CXCL16: variants seen among roughly 807,000 people sequenced by gnomAD.
The protein encoded by CXCL16 is C-X-C motif chemokine 16.
CXCL16 carries 18 observed loss-of-function variants against 23.8 expected under a neutral mutation model. That is an observed-to-expected ratio of 0.76 (90% confidence interval 0.52 to 1.12). The LOEUF (loss-of-function observed/expected upper bound fraction) is 1.12, where lower values mean the gene tolerates loss of function less well. Ranked by LOEUF, CXCL16 falls within the 50% of genes most tolerant of loss-of-function variation. The probability of loss-of-function intolerance (pLI) is 0.00; values close to 1 mark genes in which losing one functional copy is unlikely to be tolerated. For missense variants in CXCL16, 297 were observed against 315.4 expected, an observed-to-expected ratio of 0.94 and a Z score of 0.44; for synonymous variants, 123 against 132.5, an observed-to-expected ratio of 0.93 and a Z score of 0.49.
chr17:4,739,115 T>C lies in CXCL16; in HGVS notation c.79+146A>G. The C allele has an allele frequency of 8.0e-7, 1 of 1,246,278 alleles. No homozygotes were observed. The highest frequency in any genetic ancestry group is 1.5e-5 in the South Asian group (1 of 67,374). The allele number at this position is 1,246,278 out of a possible 1,614,324, so 77.2% of individuals were successfully genotyped here. On this transcript the variant is annotated intron_variant, in intron 1 of 5. Transcript: ENST00000293778. The surrounding 1 kb of genome is among the most constrained non-coding windows in gnomAD (Gnocchi z 5.3). ...CCGGAGCCAGGCGTCCCCGGGCCTC[T>C]GTCCCCAACCCCAGGCGGCTGGCTG...
rs1916072574 is a variant in CXCL16, at chr17:4,733,904, T to A, written c.*599A>T. On this transcript the variant is annotated 3_prime_UTR_variant, in exon 6 of 6. Transcript: ENST00000293778. ...GACTCAATCATTACAAAAATAATTT[T>A]TAGTAGTTAAAAAACACACATAGGG... The A allele has an allele frequency of 6.6e-6, 1 of 152,450 alleles. No homozygotes were observed. The highest frequency in any genetic ancestry group is 1.5e-5 in the Non-Finnish European group (1 of 68,168). 9.4% of individuals were successfully genotyped at this position (152,450 alleles called of 1,614,324 possible). A position where few individuals can be genotyped will look rare whatever the true frequency, so the allele number is the denominator to read the frequency against.
Position 4,739,149 on chromosome 17 carries a change from C to G in CXCL16, c.79+112G>C. On this transcript the variant is annotated intron_variant, in intron 1 of 5. Transcript: ENST00000293778. This position sits in a 1 kb window ranked among gnomAD's most constrained non-coding sequence, Gnocchi z 5.3. ...CCCCAGGCGGCTGGCTGGCTTTCCT[C>G]TTGTCCCCGCTGCCTTCATCCACTC... 7.1e-7 allele frequency: 1 copy of G among 1,405,862 alleles called. No individual in the cohort carries two copies. The highest frequency in any genetic ancestry group is 9.7e-7 in the Non-Finnish European group (1 of 1,034,530). 87.1% of individuals were successfully genotyped at this position (1,405,862 alleles called of 1,614,324 possible). A position where few individuals can be genotyped will look rare whatever the true frequency, so the allele number is the denominator to read the frequency against.
chr17:4,737,575 T>TAAAAAAAAAA (rs55694753), intron 3 of CXCL16, among the ~76,000 whole-genome samples: 1 of 42,038 alleles, frequency 2.4e-5, no homozygotes, highest in African/African-American at 8.7e-5. Context: ...AAGACTCCAT[T>TAAAAAAAAAA]AAAAAAAAAA....
chr17:4,735,028 G>C (rs1437093513), intron 4 of CXCL16, 64 bp downstream of exon 4: 1 of 1,483,660 alleles, frequency 6.7e-7, no homozygotes, highest in Admixed American at 2.0e-5. Flanking sequence ...GAGAGCCACT[G>C]GGTCAGGATG....
chr17:4,734,570 AGC>A lies in CXCL16; in HGVS notation c.*23+11_*23+12del, dbSNP rs1916094375. ...CTTTATTACACTTTTTGTAAGAATA[AGC>A]CACAGTTTACCCTCACAAGCTTCCA... On this transcript the variant is annotated intron_variant, in intron 5 of 5. Coordinates refer to ENST00000293778, the MANE Select transcript of CXCL16 (RefSeq NM_001386809.1). 2.6e-6 allele frequency: 4 copies of A among 1,548,730 alleles called. No homozygotes were observed. The highest frequency in any genetic ancestry group is 3.6e-6 in the Non-Finnish European group (4 of 1,120,548).
At chr17:4,734,975 C>A (rs1288189087) in intron 4 of CXCL16, 117 bp downstream of exon 4, 4 of 1,012,272 alleles carry the variant, frequency 4.0e-6, no homozygotes, top group Non-Finnish European at 5.8e-6. Flanking sequence ...CTTGTGCAGA[C>A]AACCTTGATA....
rs771824284 is a variant in CXCL16 at position 4,739,394 on chromosome 17, C to T, written c.-55G>A. ...GAGCCACCTCGCTCTGACTCCCAGA[C>T]ATGCTCCGGCGCGTGACGTCCAGCT... On this transcript the variant is annotated 5_prime_UTR_variant, in exon 1 of 6. The change abolishes an upstream ATG in the 5' untranslated region. Coordinates refer to ENST00000293778, the MANE Select transcript of CXCL16 (RefSeq NM_001386809.1). This position sits in a 1 kb window ranked among gnomAD's most constrained non-coding sequence, Gnocchi z 5.3. The T allele has an allele frequency of 2.8e-5, 45 of 1,611,388 alleles. No homozygotes were observed. Among genetic ancestry groups the T allele is most frequent in the Non-Finnish European group, 3.7e-5 (44 of 1,179,598 alleles).
chr17:4,738,623 A>T lies in CXCL16; in HGVS notation c.219-133T>A, dbSNP rs1399817788. The T allele has an allele frequency of 1.0e-6, 1 of 990,718 alleles. No homozygotes were observed. The highest frequency in any genetic ancestry group is 1.6e-5 in the African/African-American group (1 of 61,648). The allele number at this position is 990,718 out of a possible 1,614,324, so 61.4% of individuals were successfully genotyped here. A position where few individuals can be genotyped will look rare whatever the true frequency, so the allele number is the denominator to read the frequency against. ...GGACTGGGAAACTCCCCAGTAGGTG[A>T]GACGGAGTCATGAAGTTTCGGGGAA... On this transcript the variant is annotated intron_variant, in intron 2 of 5. Transcript: ENST00000293778. The surrounding 1 kb of genome is among the most constrained non-coding windows in gnomAD (Gnocchi z 4.0).
intron 3 of CXCL16, among the ~76,000 whole-genome samples, chr17:4,736,983 A>T (rs1335000833): frequency 6.6e-6 from 1 of 151,770 alleles, no homozygotes; most frequent in African/African-American, 2.4e-5. Context: ...ATGCCTGGCT[A>T]ATTTTGTATT....
rs766056520 is a variant in CXCL16, at chr17:4,734,590, A to G, written c.*16T>C. 1 of 1,601,018 alleles carries G rather than the reference A, an allele frequency of 6.2e-7. No individual in the cohort carries two copies. The highest frequency in any genetic ancestry group is 2.2e-5 in the East Asian group (1 of 44,786). On this transcript the variant is annotated 3_prime_UTR_variant, in exon 5 of 6. Transcript: ENST00000293778. ...GAATAAGCCACAGTTTACCCTCACAAGCTTCCATTCTTGGCTCAGGTATTA... is the reference window on the plus strand; with the variant it reads ...GAATAAGCCACAGTTTACCCTCACAGGCTTCCATTCTTGGCTCAGGTATTA...
chr17:4,734,704 T>C, intron 4 of CXCL16, 52 bp from the exon 5 acceptor site: 3 of 1,480,952 alleles, frequency 2.0e-6, no homozygotes, highest in Non-Finnish European at 2.8e-6. Flanking sequence ...AGGACAGTGT[T>C]TGGGGGATGA....
chr17:4,739,660 T>G lies in CXCL16; in HGVS notation c.-321A>C, dbSNP rs1238048908. On this transcript the variant is annotated 5_prime_UTR_variant, in exon 1 of 6. Coordinates refer to ENST00000293778, the MANE Select transcript of CXCL16 (RefSeq NM_001386809.1). The surrounding 1 kb of genome is among the most constrained non-coding windows in gnomAD (Gnocchi z 5.3). ...ATCTTGGAAGAAACCGAAAGAAAAC[T>G]CCGGCGGCGGGCGAGGAGGGGCGGG... The G allele has an allele frequency of 4.3e-6, 3 of 695,186 alleles. No individual in the cohort carries two copies. The highest frequency in any genetic ancestry group is 2.6e-5 in the South Asian group (1 of 37,854). 43.1% of individuals were successfully genotyped at this position (695,186 alleles called of 1,614,324 possible).
intron 3 of CXCL16, among the ~76,000 whole-genome samples, chr17:4,736,586 T>C (rs1346537789): frequency 4.6e-5 from 7 of 152,146 alleles, no homozygotes; most frequent in Non-Finnish European, 1.0e-4. Flanking sequence ...AAGTGATATC[T>C]TCCAGCTGTA....
At chr17:4,735,647 A>C in intron 3 of CXCL16, 139 bp from the exon 4 acceptor site, 1 of 498,634 alleles carries the variant, frequency 2.0e-6, no homozygotes, top group Admixed American at 4.0e-5. Flanking sequence ...AATAAAAAAC[A>C]TTAACAAGAG....
Position 4,738,595 on chromosome 17 carries a change from C to T in CXCL16, c.219-105G>A. 1 of 1,046,742 alleles carries T rather than the reference C, an allele frequency of 9.6e-7. No homozygotes were observed. The allele number at this position is 1,046,742 out of a possible 1,614,324, so 64.8% of individuals were successfully genotyped here. ...TGCCACCAAGAAAGAGCCCTTTCTC[C>T]TGGGACTGGGAAACTCCCCAGTAGG... is the stretch of plus-strand genomic sequence containing the variant. On this transcript the variant is annotated intron_variant, in intron 2 of 5. Transcript: ENST00000293778. The surrounding 1 kb of genome is among the most constrained non-coding windows in gnomAD (Gnocchi z 4.0).
In CXCL16 at chr17:4,739,162, C is replaced by T. The variant is rs1916261126; in HGVS notation, c.79+99G>A. 14 of 1,449,546 alleles carry T rather than the reference C, an allele frequency of 9.7e-6. 1 individual carries two copies. The South Asian group carries it at 1.8e-4, about 18-fold the overall frequency. The allele number at this position is 1,449,546 out of a possible 1,614,324, so 89.8% of individuals were successfully genotyped here. ...GCTGGCTTTCCTCTTGTCCCCGCTG[C>T]CTTCATCCACTCAACTCCGTGGGCC... On this transcript the variant is annotated intron_variant, in intron 1 of 5. Coordinates refer to ENST00000293778, the MANE Select transcript of CXCL16 (RefSeq NM_001386809.1). This position sits in a 1 kb window ranked among gnomAD's most constrained non-coding sequence, Gnocchi z 5.3.
intron 4 of CXCL16, 83 bp downstream of exon 4, chr17:4,735,009 C>T (rs1916107757): frequency 1.4e-6 from 2 of 1,381,678 alleles, no homozygotes; most frequent in Non-Finnish European, 2.0e-6. Flanking sequence ...GCCAGGTTTC[C>T]AGCCACCTGA....
Position 4,738,195 on chromosome 17 carries a change from G to A in CXCL16, c.301+213C>T, listed in dbSNP as rs1206967885. Reference sequence around the variant, plus strand: ...TATTAATAAGTAGACAATAGCACACGTGGTAGAATGAATTGGCAAAACTCA... The same window carrying A: ...TATTAATAAGTAGACAATAGCACACATGGTAGAATGAATTGGCAAAACTCA... On this transcript the variant is annotated intron_variant, in intron 3 of 5. Coordinates refer to ENST00000293778, the MANE Select transcript of CXCL16 (RefSeq NM_001386809.1). This position sits in a 1 kb window ranked among gnomAD's most constrained non-coding sequence, Gnocchi z 4.0. Among the ~76,000 whole-genome samples, 3 of 152,146 alleles carry A rather than the reference G, an allele frequency of 2.0e-5. No homozygotes were observed. Among genetic ancestry groups the A allele is most frequent in the South Asian group, 4.1e-4 (2 of 4,828 alleles).
intron 3 of CXCL16, among the ~76,000 whole-genome samples, chr17:4,737,055 G>A (rs1916173195): frequency 6.6e-6 from 1 of 151,898 alleles, no homozygotes; most frequent in Non-Finnish European, 1.5e-5. Flanking sequence ...GACCTCAGGT[G>A]ATCCACCGGC....
Sources: gnomAD v4.1 joint callset for allele counts (sites outside exome capture counted in the v4.1 genomes callset) on GRCh38, gnomAD v4.1.1 for gene constraint, Gnocchi (gnomAD v3.1) non-coding constraint, MANE v1.5 for transcripts, NCBI Gene and HGNC (gene_info 2026-07-23, HGNC 2026-07-21) for gene names.